The following DDX42 variants were observed in gnomAD, a reference collection of about 807,000 sequenced individuals.
DDX42 encodes DEAD-box helicase 42.
In DDX42, 22 loss-of-function variants were observed where a neutral mutation model predicts 101.5. The observed-to-expected ratio is 0.22, with a 90% confidence interval of 0.15 to 0.31. DDX42 has a LOEUF of 0.31. Among genes scored for constraint, DDX42 ranks in the 10% least tolerant of loss-of-function variants. The pLI is 1.00. For missense variants in DDX42, 849 were observed against 1,199.9 expected, an observed-to-expected ratio of 0.71 and a Z score of 4.32; for synonymous variants, 402 against 401.2, an observed-to-expected ratio of 1.00 and a Z score of -0.02.
intron 1 of DDX42, chr17:63,774,861 C>CT (rs538860172): frequency 3.7e-4 from 57 of 152,354 alleles, no homozygotes; most frequent in African/African-American, 1.3e-3. Flanking sequence ...ACTGTAGTCA[C>CT]ACAAACTTTT....
intron 2 of DDX42, 150 bp downstream of exon 2, chr17:63,787,420 T>A: frequency 1.1e-6 from 1 of 891,564 alleles, no homozygotes; most frequent in Non-Finnish European, 1.7e-6. Context: ...CCTAATAAGT[T>A]AAATTATCAG....
chr17:63,803,114 A>G (rs1437763999), intron 6 of DDX42, among the ~76,000 whole-genome samples: 2 of 152,186 alleles, frequency 1.3e-5, no homozygotes, highest in Admixed American at 1.3e-4. Flanking sequence ...ATATTTTCCA[A>G]ATGATCAATG....
At chr17:63,803,934 G>GC (rs1316651188) in intron 6 of DDX42, among the ~76,000 whole-genome samples, 1 of 152,100 alleles carries the variant, frequency 6.6e-6, no homozygotes, top group Non-Finnish European at 1.5e-5. Context: ...ACGGGTATGA[G>GC]CCACTGCTCC....
chr17:63,811,734 G>GT, intron 13 of DDX42, 198 bp from the exon 14 acceptor site: 1 of 678,538 alleles, frequency 1.5e-6, no homozygotes, highest in East Asian at 2.5e-5. Flanking sequence ...TACAAATTAG[G>GT]TATGTACACC....
In DDX42 at chr17:63,807,959, T is replaced by A. The variant is rs890703241; in HGVS notation, c.1023+59T>A. 1.2e-5 allele frequency: 18 copies of A among 1,513,654 alleles called. No homozygotes were observed. In the African/African-American group the frequency reaches 2.3e-4, roughly 19 times the overall value. 93.8% of individuals were successfully genotyped at this position (1,513,654 alleles called of 1,614,324 possible). A position where few individuals can be genotyped will look rare whatever the true frequency, so the allele number is the denominator to read the frequency against. On this transcript the variant is annotated intron_variant, in intron 9 of 17. Transcript: ENST00000389924. ...TGTGGACTAGCAAGGGACCAGCCAG[T>A]CAAGTGAGGTAGAATGACCAGGAAA...
chr17:63,789,595 CAG>C (rs1400669573), intron 2 of DDX42, among the ~76,000 whole-genome samples: 18 of 92,694 alleles, frequency 1.9e-4, no homozygotes, highest in Non-Finnish European at 3.3e-4. Flanking sequence ...TTTTTTGAGA[CAG>C]AGTTTCGCTC....
At chr17:63,791,994 C>T (rs1274836057) in intron 2 of DDX42, among the ~76,000 whole-genome samples, 3 of 151,584 alleles carry the variant, frequency 2.0e-5, no homozygotes, top group African/African-American at 4.9e-5. Flanking sequence ...TTGCAGGGAG[C>T]CCAGATTGTG....
intron 3 of DDX42, among the ~76,000 whole-genome samples, chr17:63,797,753 C>T (rs971965629): frequency 5.3e-5 from 8 of 152,200 alleles, no homozygotes; most frequent in African/African-American, 1.9e-4. Flanking sequence ...TTATCATTAA[C>T]TTAAAGCAAC....
chr17:63,798,153 G>A, intron 4 of DDX42, 54 bp downstream of exon 4: 1 of 1,550,530 alleles, frequency 6.4e-7, no homozygotes, highest in Non-Finnish European at 8.9e-7. Flanking sequence ...CTGAAGTATT[G>A]CAAAGTCTAT....
In DDX42 at chr17:63,818,208, G is replaced by A; in HGVS notation, c.2627G>A (p.Gly876Asp). The change falls in exon 18 of 18, where the codon GGT becomes GAT. Residue 876 changes from glycine to aspartate, a missense_variant. By Grantham distance (94) the Gly-to-Asp change is moderately conservative. This residue lies in a region of DDX42 where 300 missense variants were observed against 304.9 expected (regional missense o/e 0.98). Coordinates refer to ENST00000389924, the MANE Select transcript of DDX42 (RefSeq NM_203499.3). ...GSAGRHGENR[G>D]ANDGRNGESR... Reference sequence around the variant, plus strand: ...GCAGGCCGGCATGGGGAGAACCGGGGTGCAAATGATGGTCGGAATGGGGAA... The same window carrying A: ...GCAGGCCGGCATGGGGAGAACCGGGATGCAAATGATGGTCGGAATGGGGAA... The A allele has an allele frequency of 3.7e-6, 6 of 1,614,076 alleles. No individual in the cohort carries two copies. The highest frequency in any genetic ancestry group is 5.1e-6 in the Non-Finnish European group (6 of 1,180,032).
intron 4 of DDX42, among the ~76,000 whole-genome samples, chr17:63,798,361 TATA>T (rs2039718996): frequency 6.6e-6 from 1 of 152,194 alleles, no homozygotes; most frequent in Non-Finnish European, 1.5e-5. Flanking sequence ...AGGAATGAAT[TATA>T]GTAGAGTTTA....
chr17:63,775,478 G>C (rs2039409247), intron 1 of DDX42, among the ~76,000 whole-genome samples: 1 of 152,150 alleles, frequency 6.6e-6, no homozygotes, highest in East Asian at 1.9e-4. Flanking sequence ...AGCTGGAAAG[G>C]GGGTTGGGGA....
At chr17:63,792,663 T>C (rs1273877583) in intron 3 of DDX42, 101 bp downstream of exon 3, 2 of 1,334,638 alleles carry the variant, frequency 1.5e-6, no homozygotes, top group African/African-American at 1.5e-5. Flanking sequence ...CTAGTCTTAT[T>C]ATTTTTTTTT....
chr17:63,789,176 T>G (rs2039588413), intron 2 of DDX42, among the ~76,000 whole-genome samples: 1 of 151,986 alleles, frequency 6.6e-6, no homozygotes, highest in Non-Finnish European at 1.5e-5. Context: ...CTTCCTGGGT[T>G]CAAGTGATTC....
chr17:63,807,934 T>C (rs1357441905), intron 9 of DDX42, 34 bp downstream of exon 9: 8 of 1,588,650 alleles, frequency 5.0e-6, no homozygotes, highest in Non-Finnish European at 6.9e-6. Context: ...TCCTTCCATA[T>C]GTGGACTAGC....
intron 3 of DDX42, among the ~76,000 whole-genome samples, chr17:63,794,934 T>TCAAAAAAAAAAAAAAAAA (rs1466493842): frequency 8.3e-6 from 1 of 120,818 alleles, no homozygotes; most frequent in Non-Finnish European, 1.7e-5. Flanking sequence ...AGACTCCATC[T>TCAAAAAAAAAAAAAAAAA]TAAAAAAAAA....
At chr17:63,810,232 C>T (rs2039892644) in intron 11 of DDX42, 1 of 222,256 alleles carries the variant, frequency 4.5e-6, no homozygotes, top group South Asian at 9.5e-5. Context: ...GTGATAGGCA[C>T]CTACCCCACA....
At chr17:63,814,694 T>C (rs920739001) in intron 15 of DDX42, among the ~76,000 whole-genome samples, 130 of 143,806 alleles carry the variant, frequency 9.0e-4, no homozygotes, top group Non-Finnish European at 1.2e-3. Context: ...TTTTTTTTTT[T>C]TTTTCTTTTT....
At chr17:63,782,412 G>A (rs1317801431) in intron 1 of DDX42, among the ~76,000 whole-genome samples, 1 of 133,884 alleles carries the variant, frequency 7.5e-6, no homozygotes, top group African/African-American at 2.5e-5. Flanking sequence ...CCTCTCTGCA[G>A]TTACTGCCCC....
Sources: gnomAD v4.1 joint callset for allele counts (sites outside exome capture counted in the v4.1 genomes callset) on GRCh38, gnomAD v4.1.1 for gene constraint, gnomAD v4.1.1 regional missense constraint, MANE v1.5 for transcripts, NCBI Gene and HGNC (gene_info 2026-07-23, HGNC 2026-07-21) for gene names.